The following HIP1 variants were observed in gnomAD, a reference collection of about 807,000 sequenced individuals.
HIP1 encodes huntingtin interacting protein 1, also known as huntingtin-interacting protein 1.
Under a neutral mutation model 147.6 loss-of-function variants are expected in HIP1, and 65 were observed. The ratio of observed to expected loss-of-function variants is 0.44; its 90% CI spans 0.36 to 0.54. HIP1 has a LOEUF of 0.54. Ranked by LOEUF, HIP1 falls within the 20% of genes least tolerant of loss-of-function variation. HIP1 has a pLI of 0.00. For missense variants in HIP1, 1,061 were observed against 1,299.6 expected, an observed-to-expected ratio of 0.82 and a Z score of 2.82; for synonymous variants, 479 against 504.0, an observed-to-expected ratio of 0.95 and a Z score of 0.67.
intron 1 of HIP1, among the ~76,000 whole-genome samples, chr7:75,668,420 G>C (rs1799625190): frequency 6.6e-6 from 1 of 152,132 alleles, no homozygotes. Flanking sequence ...TGCCTCCCAG[G>C]TTCAAGTGAT....
At chr7:75,578,489 A>G (rs2116910735) in intron 7 of HIP1, among the ~76,000 whole-genome samples, 1 of 152,276 alleles carries the variant, frequency 6.6e-6, no homozygotes, top group East Asian at 1.9e-4. Context: ...CAGCCTGGGC[A>G]ACATAATGAA....
intron 1 of HIP1, among the ~76,000 whole-genome samples, chr7:75,697,136 T>G (rs543699398): frequency 6.6e-6 from 1 of 152,288 alleles, no homozygotes; most frequent in East Asian, 1.9e-4. Flanking sequence ...CTCGCCTAAT[T>G]TATCAAATGA....
rs782784930 is a variant in HIP1 at position 75,545,043 on chromosome 7, G to A, written c.2660+45C>T. On this transcript the variant is annotated intron_variant, in intron 26 of 30. Coordinates refer to ENST00000336926, the MANE Select transcript of HIP1 (RefSeq NM_005338.7). The stretch of plus-strand genomic sequence containing the variant: ...TAGCTATTGTTTGGAGTGGATCAAT[G>A]GAAGAGGGGTCATGGGAGGACCCTT... 17 of 1,147,518 alleles carry A rather than the reference G, an allele frequency of 1.5e-5. No homozygotes were observed. In the Admixed American group the frequency reaches 3.7e-4, roughly 25 times the overall value. 71.1% of individuals were successfully genotyped at this position (1,147,518 alleles called of 1,614,324 possible).
At chr7:75,598,190 C>T (rs781896941) in intron 2 of HIP1, among the ~76,000 whole-genome samples, 3 of 151,950 alleles carry the variant, frequency 2.0e-5, no homozygotes, top group East Asian at 1.9e-4. Flanking sequence ...TGAGGCCAGG[C>T]GTTCAAGGCC....
chr7:75,587,787 AACCCCATCTC>A (rs782027936), intron 4 of HIP1, among the ~76,000 whole-genome samples: 19 of 152,118 alleles, frequency 1.2e-4, no homozygotes, highest in Non-Finnish European at 2.6e-4. Flanking sequence ...AACATGGCGA[AACCCCATCTC>A]TACAAAAAAT....
chr7:75,642,086 A>G (rs138106221), intron 1 of HIP1, among the ~76,000 whole-genome samples: 99 of 152,170 alleles, frequency 6.5e-4, no homozygotes, highest in African/African-American at 2.3e-3. Flanking sequence ...TGGCCAGCCC[A>G]TCCCAAATAG....
At chr7:75,646,840 G>A (rs1016720040) in intron 1 of HIP1, among the ~76,000 whole-genome samples, 1 of 152,122 alleles carries the variant, frequency 6.6e-6, no homozygotes, top group African/African-American at 2.4e-5. Context: ...ATGAGGTGAG[G>A]CCTGCAGTGC....
At chr7:75,656,112 C>T (rs2525464) in intron 1 of HIP1, among the ~76,000 whole-genome samples, 1 of 151,556 alleles carries the variant, frequency 6.6e-6, no homozygotes. Context: ...GGCAAGACCC[C>T]GTCTCAAAAA....
At chr7:75,566,486 T>C (rs1424430453) in intron 9 of HIP1, among the ~76,000 whole-genome samples, 1 of 151,458 alleles carries the variant, frequency 6.6e-6, no homozygotes, top group Non-Finnish European at 1.5e-5. Flanking sequence ...TGCAGAAATT[T>C]CTAGAAAAAA....
chr7:75,667,996 C>T (rs976060180), intron 1 of HIP1, among the ~76,000 whole-genome samples: 1 of 152,154 alleles, frequency 6.6e-6, no homozygotes, highest in Non-Finnish European at 1.5e-5. Flanking sequence ...TCTCAAGCCC[C>T]TGTATTTCAA....
At chr7:75,684,597 T>C (rs1800197918) in intron 1 of HIP1, among the ~76,000 whole-genome samples, 1 of 152,194 alleles carries the variant, frequency 6.6e-6, no homozygotes, top group African/African-American at 2.4e-5. Context: ...CTAATCCATG[T>C]TGATTAAACA....
chr7:75,665,096 CA>C (rs571184779), intron 1 of HIP1, among the ~76,000 whole-genome samples: 63 of 151,706 alleles, frequency 4.2e-4, no homozygotes, highest in African/African-American at 1.3e-3. Flanking sequence ...CCTGTTTCTA[CA>C]AAAAAAATTT....
In HIP1 at chr7:75,568,310, G is replaced by A. The variant is rs1795485631; in HGVS notation, c.746-54C>T. The A allele has an allele frequency of 4.9e-6, 6 of 1,215,568 alleles. No individual in the cohort carries two copies. Among genetic ancestry groups the A allele is most frequent in the Non-Finnish European group, 6.1e-6 (5 of 816,618 alleles). 75.3% of individuals were successfully genotyped at this position (1,215,568 alleles called of 1,614,324 possible). A position where few individuals can be genotyped will look rare whatever the true frequency, so the allele number is the denominator to read the frequency against. The stretch of plus-strand genomic sequence containing the variant: ...GGGAGGGGGACCAGAGGGCAGGGAA[G>A]CCACAGCGGGGCTCTCGAGGGGGAG... On this transcript the variant is annotated intron_variant, in intron 8 of 30. Coordinates refer to ENST00000336926, the MANE Select transcript of HIP1 (RefSeq NM_005338.7). This position sits in a 1 kb window ranked among gnomAD's most constrained non-coding sequence, Gnocchi z 4.1.
chr7:75,562,283 C>T (rs1554494729), intron 11 of HIP1, 113 bp from the exon 12 acceptor site: 5 of 719,344 alleles, frequency 7.0e-6, no homozygotes, highest in Non-Finnish European at 1.2e-5. Flanking sequence ...ACGGTTCAGA[C>T]CTGTTTAATT....
chr7:75,646,899 C>T (rs1394694678), intron 1 of HIP1, among the ~76,000 whole-genome samples: 1 of 152,132 alleles, frequency 6.6e-6, no homozygotes, highest in Non-Finnish European at 1.5e-5. Flanking sequence ...CAGGCCCCCT[C>T]CAGGACCAAT....
In HIP1 at chr7:75,646,408, C is replaced by T. The variant is rs1798804958; in HGVS notation, c.121-47161G>A. Among the ~76,000 whole-genome samples, 2 of 152,352 alleles carry T rather than the reference C, an allele frequency of 1.3e-5. 1 individual carries two copies. The highest frequency in any genetic ancestry group is 1.3e-4 in the Admixed American group (2 of 15,300). On this transcript the variant is annotated intron_variant, in intron 1 of 30. Coordinates refer to ENST00000336926, the MANE Select transcript of HIP1 (RefSeq NM_005338.7). Reference sequence around the variant, plus strand: ...GGCCACAGTCATTAAATCTAATGAGCAGCTGTGCAGTGCTTTGCTGACCAC... The same window carrying T: ...GGCCACAGTCATTAAATCTAATGAGTAGCTGTGCAGTGCTTTGCTGACCAC...
At chr7:75,594,933 T>C (rs1796632438) in intron 2 of HIP1, among the ~76,000 whole-genome samples, 1 of 152,222 alleles carries the variant, frequency 6.6e-6, no homozygotes, top group African/African-American at 2.4e-5. Context: ...GCACTGTCAG[T>C]TGTTAGGACA....
At chr7:75,625,335 C>CAG (rs1798000075) in intron 1 of HIP1, 1 of 152,366 alleles carries the variant, frequency 6.6e-6, no homozygotes, top group Non-Finnish European at 1.5e-5. Context: ...AGACTTAGTC[C>CAG]TGGTTTCAGA....
chr7:75,577,861 G>A lies in HIP1; in HGVS notation c.604+3376C>T, dbSNP rs190695085. Among the ~76,000 whole-genome samples the A allele has an allele frequency of 6.6e-4, 100 of 152,252 alleles. 1 individual carries two copies. Among genetic ancestry groups the A allele is most frequent in the Non-Finnish European group, 5.1e-4 (35 of 68,030 alleles). ...CTAAAAGTACAAAAATTAGCCGGGC[G>A]TGGTGGCACACACCTGTAATCCCAG... On this transcript the variant is annotated intron_variant, in intron 7 of 30. Coordinates refer to ENST00000336926, the MANE Select transcript of HIP1 (RefSeq NM_005338.7).
Sources: allele counts gnomAD v4.1 joint callset (sites outside exome capture counted in the v4.1 genomes callset), GRCh38; gene constraint gnomAD v4.1.1; non-coding constraint Gnocchi (gnomAD v3.1); transcripts MANE v1.5; gene names NCBI Gene and HGNC (gene_info 2026-07-23, HGNC 2026-07-21).